Variants in SPMIP8 observed in about 807,000 individuals in gnomAD.
SPMIP8 encodes the protein testicular tissue protein Li 196.
At chr16:57,983,519 T>C in the SPMIP8 span, among the ~76,000 whole-genome samples, 111 of 152,288 alleles carry the variant, frequency 7.3e-4, no homozygotes, top group Non-Finnish European at 1.3e-3. Context: ...AATTTGCCCA[T>C]GTTCACTTTT....
At chr16:57,986,370 T>G in the SPMIP8 span, 1 of 161,024 alleles carries the variant, frequency 6.2e-6, no homozygotes, top group Admixed American at 6.4e-5. Context: ...CAAGAGTTCT[T>G]ATCTCCAAGA....
chr16:57,984,198 C>T, the SPMIP8 span: 1 of 1,122,164 alleles, frequency 8.9e-7, no homozygotes, highest in Non-Finnish European at 1.4e-6. Context: ...GCCATCGTGC[C>T]CGGCCTCAAA....
chr16:57,983,498 GA>G, the SPMIP8 span, among the ~76,000 whole-genome samples: 1 of 151,946 alleles, frequency 6.6e-6, no homozygotes, highest in Non-Finnish European at 1.5e-5. Flanking sequence ...CCCATCCCAA[GA>G]TTATAAAAGA....
the SPMIP8 span, chr16:57,984,399 A>C: frequency 6.2e-7 from 1 of 1,612,568 alleles, no homozygotes; most frequent in Non-Finnish European, 8.5e-7. Flanking sequence ...GGGTTTGCTA[A>C]GGGGCACCAG....
At chr16:57,982,596 G>T in the SPMIP8 span, among the ~76,000 whole-genome samples, 1 of 152,182 alleles carries the variant, frequency 6.6e-6, no homozygotes, top group African/African-American at 2.4e-5. Context: ...CAGATGCCGT[G>T]TTTGCCATAA....
the SPMIP8 span, among the ~76,000 whole-genome samples, chr16:57,981,759 G>A: frequency 6.6e-6 from 1 of 151,810 alleles, no homozygotes; most frequent in African/African-American, 2.4e-5. Flanking sequence ...CAAGTGATTG[G>A]CCTCCAAAAC....
chr16:57,980,877 T>G, the SPMIP8 span, among the ~76,000 whole-genome samples: 2 of 152,076 alleles, frequency 1.3e-5, no homozygotes, highest in Non-Finnish European at 2.9e-5. Context: ...TTGCTGTTGT[T>G]GTTGTTTGTT....
At chr16:57,981,407 A>ATTATAATTATTATTATTATT in the SPMIP8 span, among the ~76,000 whole-genome samples, 45 of 56,404 alleles carry the variant, frequency 8.0e-4, no homozygotes, top group South Asian at 8.1e-3. Flanking sequence ...TTATTATTAT[A>ATTATAATTATTATTATTATT]ATAATAATTA....
chr16:57,976,699 C>T, the SPMIP8 span: 1 of 1,588,868 alleles, frequency 6.3e-7, no homozygotes. Context: ...CCTGTCCCTC[C>T]CCAGGCAGTC....
chr16:57,978,049 C>G, the SPMIP8 span: 1 of 1,610,282 alleles, frequency 6.2e-7, no homozygotes, highest in Non-Finnish European at 8.5e-7. Context: ...GGTTAGGACA[C>G]CAGTGTAGGA....
At chr16:57,981,313 G>A in the SPMIP8 span, among the ~76,000 whole-genome samples, 23 of 149,310 alleles carry the variant, frequency 1.5e-4, no homozygotes, top group Admixed American at 1.4e-3. Context: ...CCAGGAGGCG[G>A]AGGTTGCAGT....
chr16:57,984,281 T>C, the SPMIP8 span: 1 of 1,613,514 alleles, frequency 6.2e-7, no homozygotes, highest in Admixed American at 1.7e-5. Context: ...ACACCTCTTC[T>C]CCCTTTCTCT....
the SPMIP8 span, among the ~76,000 whole-genome samples, chr16:57,984,992 G>A: frequency 2.6e-4 from 40 of 152,178 alleles, no homozygotes; most frequent in Non-Finnish European, 2.9e-5. Flanking sequence ...TCTGGAGGCA[G>A]GACTGCCCTT....
chr16:57,980,755 C>G, the SPMIP8 span, among the ~76,000 whole-genome samples: 2 of 152,166 alleles, frequency 1.3e-5, no homozygotes, highest in Non-Finnish European at 2.9e-5. Flanking sequence ...AGTGCAATGT[C>G]AAAAACATGG....
At chr16:57,986,080 CGCGAGCTGCTT>C in the SPMIP8 span, 1 of 1,100,088 alleles carries the variant, frequency 9.1e-7, no homozygotes, top group Non-Finnish European at 1.2e-6. Context: ...CCTGGGAGGG[CGCGAGCTGCTT>C]CGCTCTGGAG....
At chr16:57,976,734 T>G in the SPMIP8 span, 1 of 1,429,312 alleles carries the variant, frequency 7.0e-7, no homozygotes, top group Non-Finnish European at 9.6e-7. Context: ...AGCTTCCCCA[T>G]GCCTTGTCAC....
At chr16:57,985,600 T>G in the SPMIP8 span, 17 of 1,527,514 alleles carry the variant, frequency 1.1e-5, no homozygotes, top group Non-Finnish European at 1.5e-5. Context: ...GAGGATGAGG[T>G]CTGGGCCGCT....
At chr16:57,985,127 G>GGGC in the SPMIP8 span, 2 of 1,380,786 alleles carry the variant, frequency 1.4e-6, no homozygotes, top group Non-Finnish European at 1.9e-6. Flanking sequence ...GCTGGATTGT[G>GGGC]GGCGGGGCTT....
At chr16:57,985,280 G>A in the SPMIP8 span, 1 of 1,557,394 alleles carries the variant, frequency 6.4e-7, no homozygotes, top group Admixed American at 2.0e-5. Flanking sequence ...AGGGAGCGCT[G>A]CGCGCAGACC....
Sources: gnomAD v4.1 joint callset for allele counts (sites outside exome capture counted in the v4.1 genomes callset) on GRCh38, gnomAD v4.1.1 for gene constraint, MANE v1.5 for transcripts, NCBI Gene and HGNC (gene_info 2026-07-23, HGNC 2026-07-21) for gene names.